Variants in PALS1 observed in about 807,000 individuals in gnomAD.
PALS1 encodes the protein protein PALS1.
In PALS1, 31 loss-of-function variants were observed where a neutral mutation model predicts 78.9. The ratio of observed to expected loss-of-function variants is 0.39; its 90% CI spans 0.30 to 0.53. The LOEUF (loss-of-function observed/expected upper bound fraction) is 0.53. PALS1 is among the 20% of genes least tolerant of loss of function. PALS1 has a pLI of 0.67. For missense variants in PALS1, 704 were observed against 826.5 expected, an observed-to-expected ratio of 0.85 and a Z score of 1.82; for synonymous variants, 276 against 270.9, an observed-to-expected ratio of 1.02 and a Z score of -0.18.
intron 10 of PALS1, 25 bp from the exon 11 acceptor site, chr14:67,317,383 A>G (rs2085192803): frequency 6.4e-7 from 1 of 1,573,882 alleles, no homozygotes; most frequent in Non-Finnish European, 8.7e-7. Flanking sequence ...ACACATTTAT[A>G]GTTATGTTTA....
chr14:67,302,234 G>A (rs924658846), intron 6 of PALS1, 116 bp downstream of exon 6: 8 of 1,231,774 alleles, frequency 6.5e-6, no homozygotes, highest in Non-Finnish European at 8.7e-6. Context: ...CAGAAAGTGT[G>A]GGGGAAATGG....
At chr14:67,242,321 G>A (rs1446324578) in intron 1 of PALS1, among the ~76,000 whole-genome samples, 3 of 152,176 alleles carry the variant, frequency 2.0e-5, no homozygotes, top group Non-Finnish European at 2.9e-5. Flanking sequence ...GATGTAGTAT[G>A]GAGTGTGTGT....
intron 8 of PALS1, among the ~76,000 whole-genome samples, chr14:67,310,925 C>T (rs1053159558): frequency 3.9e-5 from 6 of 152,164 alleles, no homozygotes; most frequent in African/African-American, 1.2e-4. Context: ...GTCAGTGTCT[C>T]AAGTGCTTAA....
chr14:67,332,837 C>A lies in PALS1; in HGVS notation c.1909C>A (p.His637Asn). Reference protein sequence around the residue: ...KTREMEQNNGHYFDTAIVNSD... With the variant: ...KTREMEQNNGNYFDTAIVNSD... ...AAGAGAGATGGAGCAGAACAATGGCCACTACTTTGATACGGCAATTGTGAA... is the reference window on the plus strand; with the variant it reads ...AAGAGAGATGGAGCAGAACAATGGCAACTACTTTGATACGGCAATTGTGAA... The change falls in exon 15 of 15, where the codon CAC becomes AAC. Residue 637 changes from histidine to asparagine, a missense_variant. His to Asn is a moderately conservative substitution (Grantham distance 68). Transcript: ENST00000261681. 1 of 1,614,000 alleles carries A rather than the reference C, an allele frequency of 6.2e-7. No individual in the cohort carries two copies. The highest frequency in any genetic ancestry group is 1.3e-5 in the African/African-American group (1 of 75,022).
intron 4 of PALS1, among the ~76,000 whole-genome samples, chr14:67,300,571 G>A (rs1186323842): frequency 6.6e-6 from 1 of 152,102 alleles, no homozygotes; most frequent in African/African-American, 2.4e-5. Flanking sequence ...CAAGTGATCT[G>A]CCTGCTTTGG....
intron 8 of PALS1, among the ~76,000 whole-genome samples, 200 bp downstream of exon 8, chr14:67,303,799 C>T (rs2084962419): frequency 6.6e-6 from 1 of 151,068 alleles, no homozygotes; most frequent in African/African-American, 2.4e-5. Context: ...ATGGAATCTC[C>T]ATCTGTTGCC....
intron 1 of PALS1, among the ~76,000 whole-genome samples, chr14:67,267,474 C>T (rs1275877353): frequency 6.6e-6 from 1 of 152,070 alleles, no homozygotes; most frequent in African/African-American, 2.4e-5. Flanking sequence ...TGGTCTTGAC[C>T]TGCTGATCTC....
intron 3 of PALS1, among the ~76,000 whole-genome samples, chr14:67,280,792 T>TTTCCTTCCTTCCTTCCTTCCTTCCTTCC (rs781369868): frequency 3.9e-5 from 3 of 77,664 alleles, no homozygotes; most frequent in Non-Finnish European, 8.1e-5. Context: ...TCTGGAGCAG[T>TTTCCTTCCTTCCTTCCTTCCTTCCTTCC]TTCCTTCCTT....
intron 1 of PALS1, among the ~76,000 whole-genome samples, chr14:67,249,774 G>A (rs987038965): frequency 4.6e-5 from 7 of 152,162 alleles, no homozygotes; most frequent in Non-Finnish European, 8.8e-5. Flanking sequence ...GTTTGAGAAT[G>A]TAACTTAAAA....
chr14:67,321,994 T>TTG (rs1294529665), intron 13 of PALS1, among the ~76,000 whole-genome samples: 1 of 151,816 alleles, frequency 6.6e-6, no homozygotes, highest in Admixed American at 6.5e-5. Flanking sequence ...CAGTGAATGC[T>TTG]TGGTTGTATG....
At chr14:67,257,302 C>T (rs1237101339) in intron 1 of PALS1, among the ~76,000 whole-genome samples, 4 of 152,102 alleles carry the variant, frequency 2.6e-5, no homozygotes, top group Non-Finnish European at 5.9e-5. Flanking sequence ...TGACTGAGTT[C>T]TGTCTGTCCT....
intron 3 of PALS1, among the ~76,000 whole-genome samples, chr14:67,288,025 G>C (rs1257863364): frequency 2.6e-5 from 4 of 152,100 alleles, no homozygotes; most frequent in Admixed American, 1.3e-4. Flanking sequence ...TTCAGTCAGT[G>C]GTGAAATCTG....
At chr14:67,285,610 C>G (rs1408427367) in intron 3 of PALS1, among the ~76,000 whole-genome samples, 2 of 152,096 alleles carry the variant, frequency 1.3e-5, no homozygotes, top group African/African-American at 4.8e-5. Context: ...TCTCCTGATC[C>G]AGCCGCCTCG....
intron 1 of PALS1, among the ~76,000 whole-genome samples, chr14:67,263,491 TAGGA>T (rs1320532084): frequency 1.3e-5 from 2 of 152,206 alleles, no homozygotes; most frequent in African/African-American, 4.8e-5. Context: ...AAGGAAATCT[TAGGA>T]AGGTACCCTT....
rs995281310 is a variant in PALS1, at chr14:67,279,465, A to G, written c.295A>G (p.Ile99Val). 11 of 1,611,516 alleles carry G rather than the reference A, an allele frequency of 6.8e-6. No homozygotes were observed. Among genetic ancestry groups the G allele is most frequent in the Non-Finnish European group, 9.3e-6 (11 of 1,178,844 alleles). Residue 99 changes from isoleucine to valine, a missense_variant, in exon 3 of 15, where the codon ATA becomes GTA. Coordinates refer to ENST00000261681, the MANE Select transcript of PALS1 (RefSeq NM_022474.4). ...KLAQIPPKTG[I>V]DNPMFDTEEG... ...AGCCCAAATTCCTCCAAAGACCGGA[A>G]TAGATAACCCTATGTTTGATACAGA...
At chr14:67,268,897 C>T (rs1320962122) in intron 1 of PALS1, among the ~76,000 whole-genome samples, 1 of 152,186 alleles carries the variant, frequency 6.6e-6, no homozygotes, top group African/African-American at 2.4e-5. Context: ...CTGGTTCAAA[C>T]CCCTCTGACA....
At chr14:67,299,449 C>T (rs1402035065) in intron 4 of PALS1, among the ~76,000 whole-genome samples, 1 of 152,058 alleles carries the variant, frequency 6.6e-6, no homozygotes, top group African/African-American at 2.4e-5. Context: ...TAACATACAT[C>T]ATTTTTATAA....
At chr14:67,328,665 G>A (rs1049273681) in intron 14 of PALS1, among the ~76,000 whole-genome samples, 3 of 152,170 alleles carry the variant, frequency 2.0e-5, no homozygotes, top group African/African-American at 7.2e-5. Flanking sequence ...TAAGGTGTAA[G>A]GAAGGGATCC....
intron 8 of PALS1, among the ~76,000 whole-genome samples, chr14:67,310,655 G>A (rs2085074803): frequency 6.6e-6 from 1 of 152,120 alleles, no homozygotes; most frequent in Non-Finnish European, 1.5e-5. Flanking sequence ...TTTGCTGGTA[G>A]CTGTTTAACT....
Sources: allele counts gnomAD v4.1 joint callset (sites outside exome capture counted in the v4.1 genomes callset), GRCh38; gene constraint gnomAD v4.1.1; transcripts MANE v1.5; gene names NCBI Gene and HGNC (gene_info 2026-07-23, HGNC 2026-07-21).